Variants in LRRN3 observed in about 807,000 individuals in gnomAD.
LRRN3 encodes the protein leucine rich repeat neuronal 3, also known as leucine-rich repeat neuronal protein 3.
LRRN3 carries 15 observed loss-of-function variants against 40.1 expected under a neutral mutation model. The observed-to-expected ratio is 0.37, with a 90% CI of 0.25 to 0.58. The LOEUF (loss-of-function observed/expected upper bound fraction) is 0.58. Ranked by LOEUF, LRRN3 falls within the 20% of genes least tolerant of loss-of-function variation. The pLI, the probability that LRRN3 is intolerant of heterozygous loss-of-function variation, is 0.72. For synonymous variants in LRRN3, 308 were observed against 297.2 expected (o/e 1.04, Z -0.37); for missense variants, 746 against 837.7 (o/e 0.89, Z 1.35).
intron 2 of LRRN3, among the ~76,000 whole-genome samples, chr7:111,114,589 C>T (rs575865492): frequency 5.3e-5 from 8 of 151,408 alleles, no homozygotes; most frequent in East Asian, 2.0e-4. Flanking sequence ...TACAAACATT[C>T]GCTGGGTGTG....
At chr7:111,120,362 G>A (rs1586407390) in intron 2 of LRRN3, among the ~76,000 whole-genome samples, 1 of 152,200 alleles carries the variant, frequency 6.6e-6, no homozygotes, top group East Asian at 1.9e-4. Context: ...GCAGGCAAGA[G>A]AGAATGAGAC....
chr7:111,104,723 G>A lies in LRRN3; in HGVS notation c.-359+4761G>A, dbSNP rs528539243. On this transcript the variant is annotated intron_variant, in intron 2 of 2. Coordinates refer to ENST00000308478, the MANE Select transcript of LRRN3 (RefSeq NM_001099658.2). The stretch of plus-strand genomic sequence containing the variant: ...AAAGTGTGAAGGACTTGTCACAAGC[G>A]ATGAGATGTTAATGTATTCACAATA... 4.6e-5 allele frequency among the ~76,000 whole-genome samples: 7 copies of A among 151,772 alleles called. No individual in the cohort carries two copies. The South Asian group carries it at 1.0e-3, about 22-fold the overall frequency.
In LRRN3 at chr7:111,091,892, G is replaced by A. The variant is rs140951709; in HGVS notation, c.-441+388G>A. On this transcript the variant is annotated intron_variant, in intron 1 of 2. Transcript: ENST00000308478. Reference sequence around the variant, plus strand: ...GAAGACAGAGAGGAGACAGAGAGGAGAGGAGAGTCACGGGTGATGGGGTGC... The same window carrying A: ...GAAGACAGAGAGGAGACAGAGAGGAAAGGAGAGTCACGGGTGATGGGGTGC... Among the ~76,000 whole-genome samples the A allele has an allele frequency of 3.4e-4, 51 of 152,102 alleles. No individual in the cohort carries two copies. In the East Asian group the frequency reaches 7.6e-3, roughly 23 times the overall value.
At chr7:111,093,216 G>A (rs1288451399) in intron 1 of LRRN3, among the ~76,000 whole-genome samples, 1 of 152,158 alleles carries the variant, frequency 6.6e-6, no homozygotes, top group Non-Finnish European at 1.5e-5. Flanking sequence ...AAAATGAAAG[G>A]TGCTGAAGCA....
At chr7:111,114,780 T>C (rs1449729371) in intron 2 of LRRN3, among the ~76,000 whole-genome samples, 5 of 151,310 alleles carry the variant, frequency 3.3e-5, no homozygotes, top group African/African-American at 4.9e-5. Context: ...AAGAAATACA[T>C]TGAAACCATT....
rs1800884505 is a variant in LRRN3, at chr7:111,123,361, G to A, written c.589G>A (p.Glu197Lys). The A allele has an allele frequency of 2.5e-6, 4 of 1,613,432 alleles. No homozygotes were observed. Among genetic ancestry groups the A allele is most frequent in the African/African-American group, 1.3e-5 (1 of 74,860 alleles). Residue 197 changes from glutamate to lysine, a missense_variant, in exon 3 of 3, where the codon GAA (glutamate) becomes AAA (lysine). By Grantham distance (56) the Glu-to-Lys change is moderately conservative. Transcript: ENST00000308478. The surrounding 1 kb of genome is among the most constrained non-coding windows in gnomAD (Gnocchi z 6.4). ...LPNLEILMIG[E>K]NPIIRIKDMN... ...AAATCTAGAGATTCTGATGATTGGG[G>A]AAAATCCAATTATCAGAATCAAAGA...
rs17853394 is a variant in LRRN3 at position 111,124,371 on chromosome 7, G to A, written c.1599G>A (p.Gln533=). Residue 533 remains glutamine (Q), a synonymous_variant, in exon 3 of 3, where the codon CAG becomes CAA. Transcript: ENST00000308478. ...GSLNIKIRDI[Q]ANSVLVSWKA... is the part of the protein sequence containing the mutation. ...TGAATATTAAAATAAGAGATATTCA[G>A]GCCAATTCAGTTTTGGTGTCCTGGA... 6.2e-7 allele frequency: 1 copy of A among 1,613,662 alleles called. No individual in the cohort carries two copies. The highest frequency in any genetic ancestry group is 1.1e-5 in the South Asian group (1 of 91,058).
rs551770276 is a variant in LRRN3 at position 111,108,747 on chromosome 7, T to C, written c.-359+8785T>C. On this transcript the variant is annotated intron_variant, in intron 2 of 2. Coordinates refer to ENST00000308478, the MANE Select transcript of LRRN3 (RefSeq NM_001099658.2). ...GCTTACATCATCACTCAATAGTTCA[T>C]GCATACAAACCACATGAGTCAATTC... Among the ~76,000 whole-genome samples, 23 of 152,270 alleles carry C rather than the reference T, an allele frequency of 1.5e-4. No individual in the cohort carries two copies. The South Asian group carries it at 1.7e-3, about 11-fold the overall frequency.
intron 1 of LRRN3, among the ~76,000 whole-genome samples, chr7:111,095,329 C>A (rs563460242): frequency 2.0e-5 from 3 of 152,000 alleles, no homozygotes; most frequent in Admixed American, 2.0e-4. Context: ...TAGGTTAGAA[C>A]CCCTTACAAT....
At chr7:111,101,623 GTCTT>G (rs1277561341) in intron 2 of LRRN3, among the ~76,000 whole-genome samples, 56 of 151,536 alleles carry the variant, frequency 3.7e-4, no homozygotes, top group African/African-American at 1.3e-3. Context: ...TAGGTATACT[GTCTT>G]GTATATTTCC....
chr7:111,109,837 C>G (rs1798985172), intron 2 of LRRN3, among the ~76,000 whole-genome samples: 1 of 152,058 alleles, frequency 6.6e-6, no homozygotes, highest in Admixed American at 6.6e-5. Context: ...GGAAAGGGCC[C>G]TTAAAAAGTC....
At chr7:111,112,612 A>G (rs1799373711) in intron 2 of LRRN3, among the ~76,000 whole-genome samples, 1 of 152,194 alleles carries the variant, frequency 6.6e-6, no homozygotes, top group African/African-American at 2.4e-5. Flanking sequence ...ACTTTTTTGT[A>G]TCCTCTGGAC....
intron 2 of LRRN3, among the ~76,000 whole-genome samples, chr7:111,121,224 T>C (rs1168142919): frequency 2.0e-5 from 3 of 152,150 alleles, no homozygotes; most frequent in Non-Finnish European, 4.4e-5. Context: ...TCTTGTAAAT[T>C]TGTTTGAGTT....
At chr7:111,109,669 T>C (rs1409902284) in intron 2 of LRRN3, among the ~76,000 whole-genome samples, 1 of 152,190 alleles carries the variant, frequency 6.6e-6, no homozygotes, top group African/African-American at 2.4e-5. Context: ...GTAAAGTGGG[T>C]ATAACTGCAC....
At chr7:111,109,790 T>C (rs1419514121) in intron 2 of LRRN3, among the ~76,000 whole-genome samples, 1 of 152,198 alleles carries the variant, frequency 6.6e-6, no homozygotes, top group African/African-American at 2.4e-5. Flanking sequence ...TTTCATTGTT[T>C]GTTGCTATTG....
Position 111,093,611 on chromosome 7 carries a change from A to T in LRRN3, c.-441+2107A>T, listed in dbSNP as rs115557085. ...CCTAAGAACAGTGGATTCACTCTTT[A>T]ACCTTAGTAAAGCTCACATACATAT... On this transcript the variant is annotated intron_variant, in intron 1 of 2. Coordinates refer to ENST00000308478, the MANE Select transcript of LRRN3 (RefSeq NM_001099658.2). 5.6e-3 allele frequency among the ~76,000 whole-genome samples: 853 copies of T among 152,318 alleles called. 14 individuals are homozygous for T. The highest frequency in any genetic ancestry group is 0.02 in the African/African-American group (819 of 41,566).
chr7:111,097,504 T>C (rs1446498563), intron 1 of LRRN3, among the ~76,000 whole-genome samples: 3 of 151,916 alleles, frequency 2.0e-5, no homozygotes, highest in Non-Finnish European at 4.4e-5. Context: ...ATTTGTTCTA[T>C]AATTTATAGT....
intron 2 of LRRN3, among the ~76,000 whole-genome samples, chr7:111,101,523 C>T (rs549932398): frequency 2.6e-4 from 40 of 151,274 alleles, no homozygotes; most frequent in Middle Eastern, 3.4e-3. Flanking sequence ...CCACTGTCTA[C>T]CATTTTTGTT....
chr7:111,113,300 A>G (rs1239508449), intron 2 of LRRN3, among the ~76,000 whole-genome samples: 1 of 152,188 alleles, frequency 6.6e-6, no homozygotes. Context: ...TTTTGCTGCC[A>G]TCCTTTTACA....
Sources: gnomAD v4.1 joint callset for allele counts (sites outside exome capture counted in the v4.1 genomes callset) on GRCh38, gnomAD v4.1.1 for gene constraint, Gnocchi (gnomAD v3.1) non-coding constraint, MANE v1.5 for transcripts, NCBI Gene and HGNC (gene_info 2026-07-23, HGNC 2026-07-21) for gene names.